RPAP2: variants seen among roughly 807,000 people sequenced by gnomAD.
RPAP2 encodes putative RNA polymerase II subunit B1 CTD phosphatase RPAP2.
A neutral mutation model predicts 73.1 loss-of-function variants in RPAP2; 52 were observed. That is an observed-to-expected ratio of 0.71 (90% confidence interval 0.57 to 0.90). RPAP2 has a LOEUF of 0.90. RPAP2 is among the 40% of genes least tolerant of loss of function. The pLI, the probability that RPAP2 is intolerant of heterozygous loss-of-function variation, is 0.00. For synonymous variants in RPAP2, 225 were observed against 242.1 expected (o/e 0.93, Z 0.65); for missense variants, 598 against 701.8 (o/e 0.85, Z 1.67).
chr1:92,303,130 C>A (rs1557587018), intron 3 of RPAP2, among the ~76,000 whole-genome samples: 3 of 152,064 alleles, frequency 2.0e-5, no homozygotes, highest in Admixed American at 6.5e-5. Context: ...CTTAAGAGGG[C>A]AAATTAAAAC....
chr1:92,358,256 T>G (rs1654582093), intron 11 of RPAP2, among the ~76,000 whole-genome samples: 1 of 152,158 alleles, frequency 6.6e-6, no homozygotes, highest in Non-Finnish European at 1.5e-5. Flanking sequence ...CCATCCTACC[T>G]TGTTCTCCCA....
chr1:92,386,330 C>T (rs1233539326), intron 12 of RPAP2, among the ~76,000 whole-genome samples: 1 of 152,144 alleles, frequency 6.6e-6, no homozygotes, highest in Non-Finnish European at 1.5e-5. Context: ...GTTCAGTAGG[C>T]TCCAGTTTTA....
intron 11 of RPAP2, among the ~76,000 whole-genome samples, chr1:92,371,869 G>C (rs1263662508): frequency 7.4e-6 from 1 of 135,388 alleles, no homozygotes; most frequent in Non-Finnish European, 1.5e-5. Flanking sequence ...TCCATCCTGG[G>C]TGACAGTGAG....
intron 11 of RPAP2, among the ~76,000 whole-genome samples, chr1:92,362,601 A>C (rs1654776306): frequency 1.3e-5 from 2 of 152,206 alleles, no homozygotes; most frequent in Admixed American, 1.3e-4. Flanking sequence ...GAAAATTCCG[A>C]GTGCAGCAAA....
chr1:92,363,013 G>A (rs1487362470), intron 11 of RPAP2, among the ~76,000 whole-genome samples: 1 of 152,132 alleles, frequency 6.6e-6, no homozygotes, highest in Non-Finnish European at 1.5e-5. Context: ...TATACATTGA[G>A]ATAGAAGGTT....
Position 92,395,662 on chromosome 1 carries a change from A to T in RPAP2, c.*8651A>T, listed in dbSNP as rs75868868. The stretch of plus-strand genomic sequence containing the variant: ...AAAAAAAAAAAAAAAAAAAAAATTA[A>T]TTGAAAAATCACAGACTGGGAGAAA... On this transcript the variant is annotated 3_prime_UTR_variant, in exon 13 of 13. Transcript: ENST00000610020. The T allele has an allele frequency of 6.6e-6, 1 of 151,378 alleles. No individual in the cohort carries two copies. The highest frequency in any genetic ancestry group is 2.4e-5 in the African/African-American group (1 of 40,820). 9.4% of individuals were successfully genotyped at this position (151,378 alleles called of 1,614,324 possible).
At chr1:92,312,438 A>G (rs919085505) in intron 6 of RPAP2, among the ~76,000 whole-genome samples, 10 of 151,646 alleles carry the variant, frequency 6.6e-5, no homozygotes, top group African/African-American at 1.7e-4. Context: ...AAAAAATTGA[A>G]GTCAGTCCTC....
In RPAP2 at chr1:92,386,856, A is replaced by G. The variant is rs114270023; in HGVS notation, c.*-155A>G. On this transcript the variant is annotated intron_variant, in intron 12 of 12. Coordinates refer to ENST00000610020, the MANE Select transcript of RPAP2 (RefSeq NM_024813.3). ...GCTGGGACTACAGGTGCATGCCACCATGCCTGGCAAACTTTTTGGGTTTTT... is the reference window on the plus strand; with the variant it reads ...GCTGGGACTACAGGTGCATGCCACCGTGCCTGGCAAACTTTTTGGGTTTTT... Among the ~76,000 whole-genome samples the G allele has an allele frequency of 4.8e-3, 727 of 152,224 alleles. 3 individuals carry two copies. Among genetic ancestry groups the G allele is most frequent in the African/African-American group, 0.016 (678 of 41,546 alleles).
Position 92,368,309 on chromosome 1 carries a change from G to A in RPAP2, c.1689-12415G>A, listed in dbSNP as rs148950443. Among the ~76,000 whole-genome samples the A allele has an allele frequency of 2.5e-3, 384 of 152,222 alleles. 3 individuals carry two copies. The highest frequency in any genetic ancestry group is 9.3e-3 in the South Asian group (45 of 4,814). The stretch of plus-strand genomic sequence containing the variant: ...CAGGAGAATCGCCTGAACCCAGGAG[G>A]CAGAAGTTGCAGTGAGCCGAGATCG... On this transcript the variant is annotated intron_variant, in intron 11 of 12. Transcript: ENST00000610020.
Position 92,301,514 on chromosome 1 carries a change from A to C in RPAP2, c.158A>C (p.Glu53Ala). The C allele has an allele frequency of 6.3e-7, 1 of 1,595,886 alleles. No individual in the cohort carries two copies. Among genetic ancestry groups the C allele is most frequent in the Non-Finnish European group, 8.5e-7 (1 of 1,174,158 alleles). The change falls in exon 3 of 13, where the codon GAA (glutamate) becomes GCA (alanine). Residue 53 changes from glutamate to alanine, a missense_variant. Around this residue, in one of 3 missense-constraint regions of RPAP2, gnomAD observed 506 missense variants for 612.8 expected, o/e 0.83. Transcript: ENST00000610020. ...ELEAAVRKKI[E>A]FERKALHIVE... ...GAAGCAGCTGTGAGAAAGAAGATTG[A>C]ATTTGAGAGAAAAGCTCTACATATT...
At chr1:92,313,004 C>A (rs1412218681) in intron 6 of RPAP2, among the ~76,000 whole-genome samples, 1 of 152,110 alleles carries the variant, frequency 6.6e-6, no homozygotes, top group South Asian at 2.1e-4. Context: ...TAGCTGGGAC[C>A]ACAGGCATGC....
intron 4 of RPAP2, 56 bp from the exon 5 acceptor site, chr1:92,304,226 CAT>C: frequency 2.4e-6 from 3 of 1,240,704 alleles, no homozygotes; most frequent in South Asian, 2.5e-5. Context: ...AATCTTGTAA[CAT>C]AACGTTCATG....
At chr1:92,385,607 T>C (rs1655833285) in intron 12 of RPAP2, among the ~76,000 whole-genome samples, 2 of 152,214 alleles carry the variant, frequency 1.3e-5, no homozygotes, top group African/African-American at 4.8e-5. Context: ...GATTTTAATA[T>C]CTAGTAACCT....
rs1015008481 is a variant in RPAP2, at chr1:92,396,093, G to A, written c.*9082G>A. 6.6e-6 allele frequency: 1 copy of A among 152,050 alleles called. No individual in the cohort carries two copies. The highest frequency in any genetic ancestry group is 1.5e-5 in the Non-Finnish European group (1 of 68,008). 9.4% of individuals were successfully genotyped at this position (152,050 alleles called of 1,614,324 possible). On this transcript the variant is annotated 3_prime_UTR_variant, in exon 13 of 13. Coordinates refer to ENST00000610020, the MANE Select transcript of RPAP2 (RefSeq NM_024813.3). ...ACCATATGATCCTGCTATTCCATGA[G>A]AAGAGAAGTGGAAATGTGTTCACAT...
chr1:92,303,307 C>G lies in RPAP2; in HGVS notation c.235-670C>G, dbSNP rs375104139. ...AAAGGCAAATATGCTTCATTTGAAA[C>G]ATAAAACTTACATCACTCTCAATAA... On this transcript the variant is annotated intron_variant, in intron 3 of 12. Transcript: ENST00000610020. Among the ~76,000 whole-genome samples the G allele has an allele frequency of 8.2e-4, 125 of 152,232 alleles. 1 individual carries two copies. The South Asian group carries it at 0.023, about 28-fold the overall frequency.
intron 11 of RPAP2, among the ~76,000 whole-genome samples, chr1:92,346,613 T>C (rs61779189): frequency 2.0e-5 from 3 of 152,176 alleles, no homozygotes; most frequent in Non-Finnish European, 2.9e-5. Context: ...TTATTTTGTT[T>C]GTCAACATAC....
At chr1:92,354,354 T>C (rs563580024) in intron 11 of RPAP2, among the ~76,000 whole-genome samples, 13 of 152,304 alleles carry the variant, frequency 8.5e-5, no homozygotes, top group Admixed American at 8.5e-4. Flanking sequence ...TCTGAGAGAA[T>C]TGTTACAAGG....
chr1:92,318,088 CT>C (rs752822870), intron 6 of RPAP2, among the ~76,000 whole-genome samples: 3 of 152,210 alleles, frequency 2.0e-5, no homozygotes, highest in Non-Finnish European at 4.4e-5. Context: ...GACCCTCTTA[CT>C]TTTGTTTTCT....
At chr1:92,323,063 TTA>T (rs1208147394) in intron 7 of RPAP2, among the ~76,000 whole-genome samples, 4 of 146,204 alleles carry the variant, frequency 2.7e-5, no homozygotes, top group South Asian at 4.2e-4. Context: ...TATATATACT[TTA>T]TATATATATT....
Sources: gnomAD v4.1 joint callset for allele counts (sites outside exome capture counted in the v4.1 genomes callset) on GRCh38, gnomAD v4.1.1 for gene constraint, gnomAD v4.1.1 regional missense constraint, MANE v1.5 for transcripts, NCBI Gene and HGNC (gene_info 2026-07-23, HGNC 2026-07-21) for gene names.